Variants in ADARB2 observed in about 807,000 individuals in gnomAD.
ADARB2 encodes the protein adenosine deaminase RNA specific B2 (inactive), also known as inactive double-stranded RNA-specific editase B2.
Under a neutral mutation model 62.2 loss-of-function variants are expected in ADARB2, and 25 were observed. The ratio of observed to expected loss-of-function variants is 0.40; its 90% confidence interval spans 0.29 to 0.56. The LOEUF (loss-of-function observed/expected upper bound fraction) is 0.56. Among genes scored for constraint, ADARB2 ranks in the 20% least tolerant of loss-of-function variants. The pLI, the probability that ADARB2 is intolerant of heterozygous loss-of-function variation, is 0.43. For synonymous variants in ADARB2, 572 were observed against 500.8 expected, an observed-to-expected ratio of 1.14 and a Z score of -1.90; for missense variants, 1,071 against 1,077.4, an observed-to-expected ratio of 0.99 and a Z score of 0.08.
At chr10:1,302,176 G>T (rs910823053) in intron 3 of ADARB2, among the ~76,000 whole-genome samples, 1 of 152,228 alleles carries the variant, frequency 6.6e-6, no homozygotes, top group Admixed American at 6.5e-5. Context: ...TGCGCACACC[G>T]TGCGCGAGCC....
chr10:1,685,866 C>A (rs1468941667), intron 1 of ADARB2, among the ~76,000 whole-genome samples: 1 of 152,128 alleles, frequency 6.6e-6, no homozygotes, highest in Non-Finnish European at 1.5e-5. Flanking sequence ...GGACTTCAGC[C>A]CTCCAGTGGG....
intron 6 of ADARB2, among the ~76,000 whole-genome samples, chr10:1,226,578 A>T (rs1830748679): frequency 1.3e-5 from 2 of 152,076 alleles, no homozygotes; most frequent in South Asian, 2.1e-4. Context: ...TGATGTACAG[A>T]TGGGTTTTTG....
chr10:1,204,847 G>A (rs1160170687), intron 7 of ADARB2, among the ~76,000 whole-genome samples: 2 of 152,202 alleles, frequency 1.3e-5, no homozygotes, highest in African/African-American at 4.8e-5. Context: ...GGAAGCTGAT[G>A]GACAGTTCGT....
At position 1,277,605 on chromosome 10, in the gene ADARB2, A is replaced by G. The variant is rs372981153; in HGVS notation, c.1078-6536T>C. ...AAAAACAGGCTCTGAAATTGAGGCA[A>G]TAATTAATAGCTTACCAACCAAAAA... On this transcript the variant is annotated intron_variant, in intron 3 of 9. Coordinates refer to ENST00000381312, the MANE Select transcript of ADARB2 (RefSeq NM_018702.4). 4.7e-4 allele frequency among the ~76,000 whole-genome samples: 72 copies of G among 152,338 alleles called. No individual in the cohort carries two copies. In the Middle Eastern group the frequency reaches 0.01, roughly 22 times the overall value.
chr10:1,544,360 C>T (rs1832486962), intron 1 of ADARB2, among the ~76,000 whole-genome samples: 1 of 152,202 alleles, frequency 6.6e-6, no homozygotes, highest in Non-Finnish European at 1.5e-5. Flanking sequence ...GGGCTGTGTG[C>T]CACCTTCGGG....
At chr10:1,410,644 C>T (rs1564282591) in intron 1 of ADARB2, among the ~76,000 whole-genome samples, 1 of 152,130 alleles carries the variant, frequency 6.6e-6, no homozygotes, top group South Asian at 2.1e-4. Context: ...AGCATCTGCT[C>T]CAACTGCCTC....
chr10:1,338,765 G>T (rs1589196818), intron 3 of ADARB2, among the ~76,000 whole-genome samples: 1 of 152,178 alleles, frequency 6.6e-6, no homozygotes. Flanking sequence ...TAGGCTGAAA[G>T]AAGACAAATC....
At chr10:1,213,340 G>T (rs558881033) in intron 7 of ADARB2, among the ~76,000 whole-genome samples, 2 of 152,094 alleles carry the variant, frequency 1.3e-5, no homozygotes, top group Non-Finnish European at 2.9e-5. Flanking sequence ...GAGAGAGGCC[G>T]AGAGCGAGAG....
intron 1 of ADARB2, among the ~76,000 whole-genome samples, chr10:1,626,474 C>T (rs553862520): frequency 2.0e-5 from 3 of 152,328 alleles, no homozygotes; most frequent in Admixed American, 6.5e-5. Flanking sequence ...TCTTGAACTC[C>T]GGGGCTTCCT....
intron 1 of ADARB2, among the ~76,000 whole-genome samples, chr10:1,421,821 A>G (rs1832854821): frequency 6.6e-6 from 1 of 152,244 alleles, no homozygotes; most frequent in South Asian, 2.1e-4. Flanking sequence ...GAACACTCGG[A>G]GAGCTCCTAG....
At chr10:1,259,445 A>G (rs540672697) in intron 4 of ADARB2, among the ~76,000 whole-genome samples, 3 of 152,382 alleles carry the variant, frequency 2.0e-5, no homozygotes, top group Admixed American at 6.5e-5. Context: ...AAATAGATGC[A>G]ATAAAAAATG....
At chr10:1,378,567 G>A (rs931470303) in intron 2 of ADARB2, among the ~76,000 whole-genome samples, 1 of 152,126 alleles carries the variant, frequency 6.6e-6, no homozygotes, top group African/African-American at 2.4e-5. Flanking sequence ...TTCCAGGTGA[G>A]GATAAGATTC....
chr10:1,228,712 A>G (rs1174888872), intron 6 of ADARB2, among the ~76,000 whole-genome samples: 1 of 152,250 alleles, frequency 6.6e-6, no homozygotes, highest in African/African-American at 2.4e-5. Context: ...CTGTCGCGAA[A>G]GCAGCTTTCC....
At chr10:1,216,746 C>A (rs1830627939) in intron 7 of ADARB2, 1 of 690,620 alleles carries the variant, frequency 1.4e-6, no homozygotes. Context: ...GGGCCTTGCT[C>A]CCTCAGGGAC....
At chr10:1,614,854 T>C (rs1833609872) in intron 1 of ADARB2, among the ~76,000 whole-genome samples, 1 of 151,594 alleles carries the variant, frequency 6.6e-6, no homozygotes. Flanking sequence ...GAGCTTGCAG[T>C]GAGCTGAGAT....
chr10:1,590,377 C>G (rs1312515786), intron 1 of ADARB2, among the ~76,000 whole-genome samples: 1 of 152,164 alleles, frequency 6.6e-6, no homozygotes, highest in Admixed American at 6.5e-5. Flanking sequence ...CATAACGTTG[C>G]TGGTTCTAAT....
intron 1 of ADARB2, chr10:1,526,816 A>C (rs1469663879): frequency 3.9e-6 from 2 of 517,068 alleles, no homozygotes; most frequent in Non-Finnish European, 8.0e-6. Context: ...TCCCTGACTC[A>C]CGCACTTGGT....
intron 4 of ADARB2, among the ~76,000 whole-genome samples, chr10:1,252,018 T>A (rs920257276): frequency 3.0e-4 from 45 of 152,216 alleles, no homozygotes; most frequent in African/African-American, 1.1e-3. Flanking sequence ...TGAGGTACTT[T>A]GTTGCAGCAG....
intron 3 of ADARB2, among the ~76,000 whole-genome samples, chr10:1,313,227 AG>A (rs1167832754): frequency 1.3e-5 from 2 of 151,926 alleles, no homozygotes; most frequent in Non-Finnish European, 2.9e-5. Flanking sequence ...AGAAGGGTGA[AG>A]GGGGATGGGC....
Sources: gnomAD v4.1 joint callset for allele counts (sites outside exome capture counted in the v4.1 genomes callset) on GRCh38, gnomAD v4.1.1 for gene constraint, MANE v1.5 for transcripts, NCBI Gene and HGNC (gene_info 2026-07-23, HGNC 2026-07-21) for gene names.